Variants in TPCN2 observed in about 807,000 individuals in gnomAD.
The protein encoded by TPCN2 is two pore segment channel 2, also known as two pore channel protein 2.
In TPCN2, 92 loss-of-function variants were observed where a neutral mutation model predicts 111.4. The ratio of observed to expected loss-of-function variants is 0.83; its 90% CI spans 0.70 to 0.98. TPCN2 has a LOEUF of 0.98. TPCN2 is among the 50% of genes least tolerant of loss of function. TPCN2 has a pLI of 0.00. For synonymous variants in TPCN2, 405 were observed against 414.5 expected, an observed-to-expected ratio of 0.98 and a Z score of 0.28; for missense variants, 995 against 980.1, an observed-to-expected ratio of 1.02 and a Z score of -0.20.
rs1436480997 is a variant in TPCN2 at position 69,064,340 on chromosome 11, GTGGGTCCTC to G, written c.726+377_726+385del. Among the ~76,000 whole-genome samples, 17 of 148,156 alleles carry G rather than the reference GTGGGTCCTC, an allele frequency of 1.1e-4. No individual in the cohort carries two copies. In the Admixed American group the frequency reaches 1.2e-3, roughly 10 times the overall value. On this transcript the variant is annotated intron_variant, in intron 7 of 24. Transcript: ENST00000294309. ...TTCCCCGCCAGGCTATTCACTGAGG[GTGGGTCCTC>G]TGGTTTCTCCTCCAGCCCTGTTCAT...
chr11:69,055,982 C>T (rs187305435), intron 4 of TPCN2, among the ~76,000 whole-genome samples: 7 of 152,376 alleles, frequency 4.6e-5, no homozygotes, highest in South Asian at 2.1e-4. Context: ...CTGCCTGTGA[C>T]GCACGTCCTC....
At chr11:69,081,273 T>G (rs1358571957) in intron 17 of TPCN2, 127 bp from the exon 18 acceptor site, 2 of 607,572 alleles carry the variant, frequency 3.3e-6, no homozygotes, top group Non-Finnish European at 5.9e-6. Context: ...GTGTTGGCTG[T>G]GGGGTGCACT....
intron 7 of TPCN2, among the ~76,000 whole-genome samples, chr11:69,065,408 G>C (rs1301055153): frequency 6.6e-6 from 1 of 152,188 alleles, no homozygotes; most frequent in Non-Finnish European, 1.5e-5. Flanking sequence ...CACCTGGAAG[G>C]GTTGGCTCCT....
At chr11:69,073,034 G>T in intron 13 of TPCN2, 33 bp downstream of exon 13, 1 of 1,528,414 alleles carries the variant, frequency 6.5e-7, no homozygotes, top group Non-Finnish European at 9.1e-7. Flanking sequence ...AGGGTGGATA[G>T]TGGGGGCCTT....
At chr11:69,078,415 G>A in intron 13 of TPCN2, 67 bp from the exon 14 acceptor site, 4 of 1,595,920 alleles carry the variant, frequency 2.5e-6, no homozygotes, top group Non-Finnish European at 3.4e-6. Context: ...GAGGGTGTGA[G>A]CATTTTTGGG....
chr11:69,087,794 C>A, intron 24 of TPCN2, 81 bp from the exon 25 acceptor site: 1 of 1,160,052 alleles, frequency 8.6e-7, no homozygotes, highest in Non-Finnish European at 1.3e-6. Context: ...TGTTGCTAAG[C>A]TCTGCTCCCT....
At chr11:69,079,461 G>A (rs1855916685) in intron 16 of TPCN2, 1 of 288,794 alleles carries the variant, frequency 3.5e-6, no homozygotes, top group East Asian at 7.2e-5. Flanking sequence ...GTGAGGGCAT[G>A]CCACACTTGG....
At chr11:69,068,053 C>T (rs1282293225) in intron 8 of TPCN2, among the ~76,000 whole-genome samples, 9 of 151,668 alleles carry the variant, frequency 5.9e-5, no homozygotes, top group Non-Finnish European at 1.2e-4. Context: ...AGCCACTGGG[C>T]AGCAGCATGT....
chr11:69,054,487 C>G, intron 2 of TPCN2: 1 of 577,964 alleles, frequency 1.7e-6, no homozygotes, highest in Non-Finnish European at 3.1e-6. Context: ...AGTGTTTGCT[C>G]ACGCACCCAC....
rs1855326500 is a variant in TPCN2 at position 69,067,598 on chromosome 11, C to A, written c.822C>A (p.Asn274Lys). ...TGGTGCTGCTGACCACGGCCAACAA[C>A]CCCGATGGTGCGTGCAGGGCCAGGG... is the stretch of plus-strand genomic sequence containing the variant. ...SLLVLLTTAN[N>K]PDVMIPAYSK... Residue 274 changes from asparagine to lysine, a missense_variant, in exon 8 of 25, where the codon AAC becomes AAA. Coordinates refer to ENST00000294309, the MANE Select transcript of TPCN2 (RefSeq NM_139075.4). The A allele has an allele frequency of 6.2e-7, 1 of 1,613,730 alleles. No homozygotes were observed.
intron 7 of TPCN2, among the ~76,000 whole-genome samples, chr11:69,066,643 G>T (rs572894209): frequency 7.0e-4 from 107 of 152,352 alleles, no homozygotes; most frequent in African/African-American, 2.5e-3. Context: ...GGGCCTGCCT[G>T]CGGGGTTGCC....
At chr11:69,055,090 C>T in intron 3 of TPCN2, 85 bp from the exon 4 acceptor site, 1 of 1,449,604 alleles carries the variant, frequency 6.9e-7, no homozygotes, top group Non-Finnish European at 9.4e-7. Context: ...AACTCCCGTG[C>T]TTCGGACTGG....
intron 10 of TPCN2, 33 bp downstream of exon 10, chr11:69,071,453 G>T: frequency 6.3e-7 from 1 of 1,595,980 alleles, no homozygotes; most frequent in Non-Finnish European, 8.6e-7. Flanking sequence ...GCTGTGCCTG[G>T]AGCTGCCGGG....
chr11:69,062,107 CAGA>C (rs1855047552), intron 5 of TPCN2, among the ~76,000 whole-genome samples: 1 of 152,070 alleles, frequency 6.6e-6, no homozygotes, highest in African/African-American at 2.4e-5. Flanking sequence ...CCACTCATGG[CAGA>C]AGGAGACGGG....
intron 1 of TPCN2, among the ~76,000 whole-genome samples, 168 bp downstream of exon 1, chr11:69,049,274 G>A (rs954605488): frequency 2.0e-5 from 3 of 152,174 alleles, no homozygotes; most frequent in Non-Finnish European, 4.4e-5. Flanking sequence ...TTCTGAGGGC[G>A]AGTGGGCTGC....
At chr11:69,057,455 C>A in intron 4 of TPCN2, 123 bp from the exon 5 acceptor site, 1 of 906,512 alleles carries the variant, frequency 1.1e-6, no homozygotes, top group Non-Finnish European at 1.8e-6. Context: ...CCGTGGGGAC[C>A]ACACTGTTGT....
At position 69,072,657 on chromosome 11, in the gene TPCN2, G is replaced by C; in HGVS notation, c.1092G>C (p.Gln364His). ...AVGVKPQNLL[Q>H]VLQKVQLDSS... is the part of the protein sequence containing the mutation. ...GGGTGAAGCCCCAGAACTTGCTGCA[G>C]GTGCTTCAGAAGGTCCAGCTGGACA... Residue 364 changes from glutamine to histidine, a missense_variant, in exon 12 of 25, where the codon CAG (glutamine) becomes CAC (histidine). Gln to His is a conservative substitution (Grantham distance 24). Coordinates refer to ENST00000294309, the MANE Select transcript of TPCN2 (RefSeq NM_139075.4). 6.2e-7 allele frequency: 1 copy of C among 1,613,906 alleles called. No homozygotes were observed. The highest frequency in any genetic ancestry group is 8.5e-7 in the Non-Finnish European group (1 of 1,180,028).
intron 6 of TPCN2, 86 bp downstream of exon 6, chr11:69,063,076 A>G: frequency 2.5e-6 from 3 of 1,219,774 alleles, no homozygotes; most frequent in Non-Finnish European, 1.2e-6. Context: ...GGCCCACCGG[A>G]GTCTCATCTT....
chr11:69,065,772 G>A (rs1457001934), intron 7 of TPCN2, among the ~76,000 whole-genome samples: 1 of 152,222 alleles, frequency 6.6e-6, no homozygotes, highest in Non-Finnish European at 1.5e-5. Context: ...TGGTGTTGGG[G>A]TGTGTGGTCT....
Sources: gnomAD v4.1 joint callset for allele counts (sites outside exome capture counted in the v4.1 genomes callset) on GRCh38, gnomAD v4.1.1 for gene constraint, MANE v1.5 for transcripts, NCBI Gene and HGNC (gene_info 2026-07-23, HGNC 2026-07-21) for gene names.